BICRAL: variants seen among roughly 807,000 people sequenced by gnomAD.
BICRAL encodes the protein BICRA like chromatin remodeling complex associated protein, also known as BRD4-interacting chromatin-remodeling complex-associated protein-like.
A neutral mutation model predicts 91.8 loss-of-function variants in BICRAL; 8 were observed. The ratio of observed to expected loss-of-function variants is 0.09; its 90% CI spans 0.05 to 0.16. BICRAL has a LOEUF of 0.16. Among genes scored for constraint, BICRAL ranks in the 10% least tolerant of loss-of-function variants. The pLI, the probability that BICRAL is intolerant of heterozygous loss-of-function variation, is 1.00. For synonymous variants in BICRAL, 445 were observed against 491.1 expected (o/e 0.91, Z 1.24); for missense variants, 1,038 against 1,310.9 (o/e 0.79, Z 3.21).
At chr6:42,860,679 T>C (rs926190039) in intron 11 of BICRAL, among the ~76,000 whole-genome samples, 48 of 152,238 alleles carry the variant, frequency 3.2e-4, no homozygotes, top group African/African-American at 9.4e-4. Context: ...ATCTGACCCC[T>C]GGTCCACACT....
At chr6:42,824,675 T>C (rs1012471203) in intron 5 of BICRAL, among the ~76,000 whole-genome samples, 4 of 152,254 alleles carry the variant, frequency 2.6e-5, no homozygotes, top group African/African-American at 9.6e-5. Context: ...GAAACTCATA[T>C]TAGAATGTTT....
intron 8 of BICRAL, among the ~76,000 whole-genome samples, chr6:42,854,978 G>A (rs763197631): frequency 5.9e-5 from 9 of 152,178 alleles, no homozygotes; most frequent in African/African-American, 1.9e-4. Flanking sequence ...TACTAAGACA[G>A]TTTCGTTTCC....
chr6:42,826,379 C>T (rs952252873), intron 5 of BICRAL, among the ~76,000 whole-genome samples: 2 of 151,658 alleles, frequency 1.3e-5, no homozygotes, highest in African/African-American at 2.4e-5. Context: ...GTATTACAGG[C>T]GTGTGTCACC....
At chr6:42,842,978 C>T (rs749787221) in intron 6 of BICRAL, among the ~76,000 whole-genome samples, 5 of 151,848 alleles carry the variant, frequency 3.3e-5, no homozygotes, top group African/African-American at 9.7e-5. Context: ...CTCAGCCTCC[C>T]GAGTAGCTGG....
intron 6 of BICRAL, among the ~76,000 whole-genome samples, chr6:42,836,186 A>G (rs918428396): frequency 6.6e-6 from 1 of 152,196 alleles, no homozygotes; most frequent in Non-Finnish European, 1.5e-5. Flanking sequence ...ATCATTTTAT[A>G]TATGTATGTA....
intron 1 of BICRAL, among the ~76,000 whole-genome samples, chr6:42,791,570 AAAT>A (rs1312676210): frequency 6.6e-6 from 1 of 152,288 alleles, no homozygotes; most frequent in East Asian, 1.9e-4. Flanking sequence ...GGGGGAAAAG[AAAT>A]AATATTTGTT....
chr6:42,833,414 T>C (rs1324089948), intron 6 of BICRAL, among the ~76,000 whole-genome samples: 2 of 152,010 alleles, frequency 1.3e-5, no homozygotes, highest in African/African-American at 4.8e-5. Flanking sequence ...AACTACAGGC[T>C]CATGCCCCGG....
rs763951148 is a variant in BICRAL at position 42,829,152 on chromosome 6, A to T, written c.819A>T (p.Pro273=). 6.2e-7 allele frequency: 1 copy of T among 1,614,124 alleles called. No homozygotes were observed. The highest frequency in any genetic ancestry group is 8.5e-7 in the Non-Finnish European group (1 of 1,179,974). ...TGTTTGGGAACTCTAGTTCCAGTCCAGTAGCACAGCCTGTTACCGTTCCAT... is the reference window on the plus strand; with the variant it reads ...TGTTTGGGAACTCTAGTTCCAGTCCTGTAGCACAGCCTGTTACCGTTCCAT... ...NSLFGNSSSS[P]VAQPVTVPFN... is the part of the protein sequence containing the mutation. Residue 273 remains proline, a synonymous_variant, in exon 6 of 13, where the codon CCA becomes CCT. Coordinates refer to ENST00000314073, the MANE Select transcript of BICRAL (RefSeq NM_001393499.1).
At position 42,829,796 on chromosome 6, in the gene BICRAL, A is replaced by G. The variant is rs773862714; in HGVS notation, c.1463A>G (p.Asn488Ser). Residue 488 changes from asparagine (N) to serine (S), a missense_variant, in exon 6 of 13, where the codon AAT (asparagine) becomes AGT (serine). Physicochemically the swap from Asn to Ser is conservative, Grantham distance 46. Around this residue, in one of 5 missense-constraint regions of BICRAL, gnomAD observed 532 missense variants for 724.9 expected, o/e 0.73. Coordinates refer to ENST00000314073, the MANE Select transcript of BICRAL (RefSeq NM_001393499.1). ...FAASGSPVIA[N>S]HASPQLVGGQ... is the part of the protein sequence containing the mutation. The stretch of plus-strand genomic sequence containing the variant: ...GCCTCTGGAAGTCCAGTGATAGCCA[A>G]TCATGCCTCTCCTCAGCTTGTGGGT... The G allele has an allele frequency of 3.1e-6, 5 of 1,614,068 alleles. No homozygotes were observed. The highest frequency in any genetic ancestry group is 1.3e-5 in the African/African-American group (1 of 74,930).
chr6:42,838,904 T>C (rs1278914450), intron 6 of BICRAL, among the ~76,000 whole-genome samples: 2 of 151,998 alleles, frequency 1.3e-5, no homozygotes, highest in African/African-American at 4.8e-5. Flanking sequence ...GAGGTTGCAG[T>C]GAGCTGAGAT....
At chr6:42,822,149 A>G (rs2113940704) in intron 3 of BICRAL, 86 bp downstream of exon 3, 1 of 735,574 alleles carries the variant, frequency 1.4e-6, no homozygotes, top group South Asian at 1.7e-5. Flanking sequence ...ATAACACCTG[A>G]TAGGTATTTT....
intron 1 of BICRAL, among the ~76,000 whole-genome samples, chr6:42,804,926 TC>T (rs1353762974): frequency 2.6e-5 from 4 of 152,202 alleles, no homozygotes; most frequent in African/African-American, 9.6e-5. Context: ...GGTCTTGAAC[TC>T]CTGTCTTCAA....
chr6:42,790,523 A>AC (rs70990137), intron 1 of BICRAL, among the ~76,000 whole-genome samples: 4,284 of 137,226 alleles, frequency 0.031, 114 homozygotes, highest in African/African-American at 0.075. Flanking sequence ...AGTATGTAGC[A>AC]CCCCCCCCCC....
rs144344764 is a variant in BICRAL at position 42,825,117 on chromosome 6, G to A, written c.159+2114G>A. Reference sequence around the variant, plus strand: ...CTACTAAAAATGCAAAAAATTAGCCGGGCGTAGTGGCGTGTGCCTGTAATC... The same window carrying A: ...CTACTAAAAATGCAAAAAATTAGCCAGGCGTAGTGGCGTGTGCCTGTAATC... On this transcript the variant is annotated intron_variant, in intron 5 of 12. Coordinates refer to ENST00000314073, the MANE Select transcript of BICRAL (RefSeq NM_001393499.1). Among the ~76,000 whole-genome samples, 1,125 of 151,964 alleles carry A rather than the reference G, an allele frequency of 7.4e-3. 20 individuals are homozygous for A. The highest frequency in any genetic ancestry group is 0.024 in the African/African-American group (974 of 41,440).
At chr6:42,747,775 G>C (rs926761843) in intron 1 of BICRAL, among the ~76,000 whole-genome samples, 1 of 151,528 alleles carries the variant, frequency 6.6e-6, no homozygotes, top group East Asian at 1.9e-4. Flanking sequence ...ATTAGGTGAG[G>C]CTTCTGTTTT....
At chr6:42,802,841 A>G (rs1053092499) in intron 1 of BICRAL, among the ~76,000 whole-genome samples, 9 of 152,170 alleles carry the variant, frequency 5.9e-5, no homozygotes, top group Middle Eastern at 3.4e-3. Flanking sequence ...TCAGCCTCCC[A>G]AAGTGCTGAG....
At chr6:42,850,695 C>G (rs908335417) in intron 6 of BICRAL, among the ~76,000 whole-genome samples, 31 of 151,596 alleles carry the variant, frequency 2.0e-4, no homozygotes, top group Non-Finnish European at 4.4e-5. Context: ...ACCATCCTGA[C>G]CAACATGGTG....
intron 10 of BICRAL, among the ~76,000 whole-genome samples, chr6:42,859,523 T>A (rs1257768715): frequency 1.3e-5 from 2 of 152,132 alleles, no homozygotes; most frequent in Non-Finnish European, 2.9e-5. Context: ...AGCTGTGTCT[T>A]TACATTAAAC....
intron 1 of BICRAL, among the ~76,000 whole-genome samples, chr6:42,766,546 G>A (rs149570284): frequency 5.1e-4 from 78 of 152,246 alleles, no homozygotes; most frequent in African/African-American, 1.6e-3. Flanking sequence ...AATTGCAATT[G>A]TAGAAAGAGA....
Sources: allele counts gnomAD v4.1 joint callset (sites outside exome capture counted in the v4.1 genomes callset), GRCh38; gene constraint gnomAD v4.1.1; regional missense constraint gnomAD v4.1.1; transcripts MANE v1.5; gene names NCBI Gene and HGNC (gene_info 2026-07-23, HGNC 2026-07-21).